The following CEP85L variants were observed in gnomAD, a reference collection of about 807,000 sequenced individuals.
The protein encoded by CEP85L is centrosomal protein of 85 kDa-like.
A neutral mutation model predicts 100.3 loss-of-function variants in CEP85L; 60 were observed. The ratio of observed to expected loss-of-function variants is 0.60; its 90% CI spans 0.49 to 0.74. CEP85L has a LOEUF of 0.74. CEP85L is among the 30% of genes least tolerant of loss of function. CEP85L has a pLI of 0.00. For missense variants in CEP85L, 973 were observed against 936.2 expected (o/e 1.04, Z -0.51); for synonymous variants, 319 against 322.7 (o/e 0.99, Z 0.12).
chr6:118,558,567 T>C (rs752232969), intron 3 of CEP85L, among the ~76,000 whole-genome samples: 2 of 150,348 alleles, frequency 1.3e-5, no homozygotes, highest in East Asian at 3.9e-4. Context: ...GAGACGGTCA[T>C]GGTGTGCCCC....
intron 2 of CEP85L, among the ~76,000 whole-genome samples, chr6:118,617,960 A>C (rs950224743): frequency 6.6e-6 from 1 of 152,172 alleles, no homozygotes; most frequent in African/African-American, 2.4e-5. Context: ...TAGCAAGACC[A>C]CTGGACTAAA....
At chr6:118,546,555 T>G (rs955406382) in intron 3 of CEP85L, among the ~76,000 whole-genome samples, 2 of 152,174 alleles carry the variant, frequency 1.3e-5, no homozygotes, top group Non-Finnish European at 2.9e-5. Flanking sequence ...ATTTACATCT[T>G]AAAAATTTCT....
chr6:118,602,235 T>C (rs982298668), intron 2 of CEP85L, among the ~76,000 whole-genome samples: 6 of 152,200 alleles, frequency 3.9e-5, no homozygotes, highest in Non-Finnish European at 5.9e-5. Context: ...GGTCCATTCA[T>C]AACTCTTTAA....
At chr6:118,535,238 A>G (rs1200932757) in intron 3 of CEP85L, among the ~76,000 whole-genome samples, 1 of 152,152 alleles carries the variant, frequency 6.6e-6, no homozygotes, top group Non-Finnish European at 1.5e-5. Flanking sequence ...ATGCAACAAC[A>G]TGGATGAATC....
chr6:118,471,787 G>T (rs1772975804), intron 10 of CEP85L, among the ~76,000 whole-genome samples: 1 of 147,508 alleles, frequency 6.8e-6, no homozygotes, highest in African/African-American at 2.5e-5. Context: ...AAAGCACCAA[G>T]TCAACAAGGG....
At chr6:118,470,760 C>G (rs563327871) in intron 10 of CEP85L, 116 bp from the exon 11 acceptor site, 5 of 497,886 alleles carry the variant, frequency 1.0e-5, no homozygotes, top group South Asian at 8.1e-5. Context: ...TCCTCCCCAT[C>G]CCCTTGGAAG....
At chr6:118,655,837 C>A (rs1775768748), upstream of CEP85L, among the ~76,000 whole-genome samples, 1 of 152,082 alleles carries the variant, frequency 6.6e-6, no homozygotes, top group East Asian at 1.9e-4. Flanking sequence ...AAACCAGTTA[C>A]CTATTTTATG....
intron 2 of CEP85L, among the ~76,000 whole-genome samples, chr6:118,580,806 T>C (rs1320743359): frequency 2.0e-5 from 3 of 152,228 alleles, no homozygotes; most frequent in Admixed American, 1.3e-4. Context: ...ATCTGTGGTC[T>C]CTTACTCTGT....
chr6:118,651,499 CGG>C lies in CEP85L; in HGVS notation c.-232_-231del. The C allele has an allele frequency of 7.9e-7, 1 of 1,265,050 alleles. No homozygotes were observed. The highest frequency in any genetic ancestry group is 9.9e-7 in the Non-Finnish European group (1 of 1,005,844). 78.4% of individuals were successfully genotyped at this position (1,265,050 alleles called of 1,614,324 possible). A position where few individuals can be genotyped will look rare whatever the true frequency, so the allele number is the denominator to read the frequency against. The stretch of plus-strand genomic sequence containing the variant: ...AAGCCGGCTGGGCTGAGGCCCGCGC[CGG>C]GGAAGCGGCGACTCGGCGGTGACGG... On this transcript the variant is annotated 5_prime_UTR_variant, in exon 1 of 13. Transcript: ENST00000368491.
intron 1 of CEP85L, 69 bp downstream of exon 1, chr6:118,651,128 G>A: frequency 5.6e-6 from 8 of 1,438,772 alleles, no homozygotes; most frequent in African/African-American, 1.5e-5. Context: ...GGGGAGCGGC[G>A]GCGAGGTCCC....
chr6:118,498,090 G>C (rs1775034792), intron 5 of CEP85L, among the ~76,000 whole-genome samples: 1 of 152,184 alleles, frequency 6.6e-6, no homozygotes, highest in South Asian at 2.1e-4. Flanking sequence ...CTTGACAGCA[G>C]ACTTGGATTA....
At chr6:118,481,547 G>C (rs1055738762) in intron 8 of CEP85L, among the ~76,000 whole-genome samples, 3 of 152,050 alleles carry the variant, frequency 2.0e-5, no homozygotes, top group Non-Finnish European at 4.4e-5. Context: ...ATTTTGGATT[G>C]TCAGAATTAG....
At chr6:118,579,811 G>A (rs1424841972) in intron 2 of CEP85L, among the ~76,000 whole-genome samples, 1 of 152,218 alleles carries the variant, frequency 6.6e-6, no homozygotes, top group African/African-American at 2.4e-5. Context: ...TACATTTCTT[G>A]CATAGCAGAA....
intron 1 of CEP85L, among the ~76,000 whole-genome samples, chr6:118,706,747 T>C (rs551271851): frequency 6.6e-6 from 1 of 152,314 alleles, no homozygotes; most frequent in Admixed American, 6.5e-5. Context: ...CCTTTTTTCC[T>C]TTCCGTCCTC....
intron 6 of CEP85L, among the ~76,000 whole-genome samples, chr6:118,485,524 T>A (rs1774116827): frequency 6.6e-6 from 1 of 152,222 alleles, no homozygotes; most frequent in South Asian, 2.1e-4. Flanking sequence ...GGGGCTTTCT[T>A]AGGATTAAAG....
chr6:118,564,580 G>C (rs955506362), intron 3 of CEP85L, among the ~76,000 whole-genome samples: 1 of 152,082 alleles, frequency 6.6e-6, no homozygotes, highest in Non-Finnish European at 1.5e-5. Context: ...AGTATGTTAG[G>C]GTTCTATGTT....
intron 12 of CEP85L, 115 bp from the exon 13 acceptor site, chr6:118,465,683 G>A: frequency 3.5e-6 from 3 of 866,934 alleles, no homozygotes; most frequent in Non-Finnish European, 5.3e-6. Flanking sequence ...TACCAGTGAG[G>A]CTCAGGTTCA....
At chr6:118,514,534 A>AG (rs1776153922) in intron 4 of CEP85L, among the ~76,000 whole-genome samples, 1 of 146,598 alleles carries the variant, frequency 6.8e-6, no homozygotes, top group Non-Finnish European at 1.5e-5. Flanking sequence ...CAAAAAAAAA[A>AG]AAAAAAAAAG....
At chr6:118,608,312 G>A (rs934112013) in intron 2 of CEP85L, among the ~76,000 whole-genome samples, 5 of 152,012 alleles carry the variant, frequency 3.3e-5, no homozygotes, top group South Asian at 2.1e-4. Context: ...TGGCTAACAC[G>A]GTGAAACCCC....
Sources: gnomAD v4.1 joint callset for allele counts (sites outside exome capture counted in the v4.1 genomes callset) on GRCh38, gnomAD v4.1.1 for gene constraint, MANE v1.5 for transcripts, NCBI Gene and HGNC (gene_info 2026-07-23, HGNC 2026-07-21) for gene names.